SEMA4G: variants seen among roughly 807,000 people sequenced by gnomAD.
SEMA4G encodes semaphorin 4G, also known as semaphorin-4G.
SEMA4G carries 59 observed loss-of-function variants against 81.2 expected under a neutral mutation model. The ratio of observed to expected loss-of-function variants is 0.73; its 90% CI spans 0.59 to 0.90. The LOEUF (loss-of-function observed/expected upper bound fraction) is 0.90, where lower values mean the gene tolerates loss of function less well. Among genes scored for constraint, SEMA4G ranks in the 40% least tolerant of loss-of-function variants. The pLI is 0.00. For synonymous variants in SEMA4G, 404 were observed against 433.9 expected (o/e 0.93, Z 0.86); for missense variants, 952 against 1,102.3 (o/e 0.86, Z 1.93).
At chr10:100,970,905 A>C (rs1156891207), upstream of SEMA4G, among the ~76,000 whole-genome samples, 1 of 152,222 alleles carries the variant, frequency 6.6e-6, no homozygotes. Context: ...CCTTGACACA[A>C]ACCCACATGT....
At chr10:100,979,200 G>A (rs1413942825) in exon 8 of SEMA4G, 4 of 1,614,146 alleles carry the variant, frequency 2.5e-6, no homozygotes, top group Middle Eastern at 1.6e-4. Context: ...CACTGCGTGG[G>A]GTCTGCAGCC....
chr10:100,983,287 C>T lies in SEMA4G; in HGVS notation c.1691-18C>T, dbSNP rs772048733. On this transcript the variant is annotated intron_variant, in intron 13 of 13. Coordinates refer to ENST00000370250, the Ensembl canonical transcript of SEMA4G. The stretch of plus-strand genomic sequence containing the variant: ...TCCTGGGACGGGCTGGTACTGACCT[C>T]TCCCCCAAACCCCACAGGGCCACCA... The T allele has an allele frequency of 1.3e-6, 2 of 1,509,846 alleles. No individual in the cohort carries two copies. Among genetic ancestry groups the T allele is most frequent in the African/African-American group, 1.4e-5 (1 of 72,752 alleles). 93.5% of individuals were successfully genotyped at this position (1,509,846 alleles called of 1,614,324 possible).
intron 6 of SEMA4G, 32 bp from the exon 8 acceptor site, chr10:100,978,817 C>T (rs1176270767): frequency 1.2e-6 from 2 of 1,607,096 alleles, no homozygotes; most frequent in Non-Finnish European, 1.7e-6. Context: ...CCCAGCCTGT[C>T]TCAAAAGCCT....
intron 9 of SEMA4G, 58 bp from the exon 11 acceptor site, chr10:100,980,064 G>A: frequency 2.5e-6 from 4 of 1,613,036 alleles, no homozygotes; most frequent in Non-Finnish European, 3.4e-6. Flanking sequence ...CTGGCCTTGT[G>A]GAGAGGGCAG....
Position 100,978,304 on chromosome 10 carries a change from G to A in SEMA4G, c.445G>A (p.Ala149Thr), listed in dbSNP as rs770161568. The A allele has an allele frequency of 3.7e-6, 6 of 1,612,696 alleles. No individual in the cohort carries two copies. The African/African-American group carries it at 8.0e-5, about 22-fold the overall frequency. The change falls in exon 5 of 14, where the codon GCC becomes ACC. Residue 149 changes from alanine to threonine, a missense_variant. This residue lies in a region of SEMA4G where 436 missense variants were observed against 488.2 expected (regional missense o/e 0.89). Transcript: ENST00000370250. ...GTTCCTTGTTCCCTAGGATGCTGAGGCCTTCACCTTGCCAACCAGCTTCGA... is the reference window on the plus strand; with the variant it reads ...GTTCCTTGTTCCCTAGGATGCTGAGACCTTCACCTTGCCAACCAGCTTCGA...
At chr10:100,978,262 G>T in intron 4 of SEMA4G, 33 bp from the exon 6 acceptor site, 1 of 1,561,312 alleles carries the variant, frequency 6.4e-7, no homozygotes, top group South Asian at 1.1e-5. Context: ...GCCTGTCTTC[G>T]GAACCACTTA....
At chr10:100,971,091 C>T (rs568002545), upstream of SEMA4G, among the ~76,000 whole-genome samples, 3 of 150,162 alleles carry the variant, frequency 2.0e-5, no homozygotes, top group East Asian at 2.0e-4. Flanking sequence ...TGTGAATCCA[C>T]GTGTTCACAG....
upstream of SEMA4G, chr10:100,969,653 T>A: frequency 3.3e-6 from 1 of 304,244 alleles, no homozygotes; most frequent in South Asian, 2.4e-5. Flanking sequence ...GGGCCGGGGG[T>A]CGGGCAAGGC....
chr10:100,973,598 A>T lies in SEMA4G; in HGVS notation c.325A>T (p.Lys109Ter), dbSNP rs1221941297. ...GCAAAGCAAATGTCATCAAAAAGGG[A>T]AAAACAACCAGGTATGTGGTCTGCC... Residue 109 changes from lysine to a stop codon, truncating the protein, a stop_gained, in exon 3 of 14, where the codon AAA becomes TAA. Coordinates refer to ENST00000370250, the Ensembl canonical transcript of SEMA4G. LOFTEE classifies it high-confidence loss of function. This position sits in a 1 kb window ranked among gnomAD's most constrained non-coding sequence, Gnocchi z 5.5. The T allele has an allele frequency of 5.0e-6, 8 of 1,614,106 alleles. No individual in the cohort carries two copies. The highest frequency in any genetic ancestry group is 6.8e-6 in the Non-Finnish European group (8 of 1,179,988).
At chr10:100,970,086 A>G (rs1348998112), upstream of SEMA4G, among the ~76,000 whole-genome samples, 1 of 152,054 alleles carries the variant, frequency 6.6e-6, no homozygotes, top group Non-Finnish European at 1.5e-5. Flanking sequence ...GAAGGTCGAG[A>G]GCCTGCTGAT....
At chr10:100,974,145 T>G (rs1052580899) in intron 3 of SEMA4G, among the ~76,000 whole-genome samples, 1 of 151,908 alleles carries the variant, frequency 6.6e-6, no homozygotes, top group African/African-American at 2.4e-5. Flanking sequence ...CATCTTCATC[T>G]CCTCTGGGAT....
At chr10:100,976,506 T>C (rs1328711483) in intron 3 of SEMA4G, among the ~76,000 whole-genome samples, 4 of 152,086 alleles carry the variant, frequency 2.6e-5, no homozygotes, top group Non-Finnish European at 5.9e-5. Flanking sequence ...TGCCACCACA[T>C]AGAGATGAGG....
rs1057504766 is a variant in SEMA4G, at chr10:100,978,015, G to A, written c.436-280G>A. ...ACAAAGGGCCTTGATCCCCTGGACA[G>A]CATGTGTTCCACAGGATGGGCTAGG... On this transcript the variant is annotated intron_variant, in intron 4 of 13. Coordinates refer to ENST00000370250, the Ensembl canonical transcript of SEMA4G. 3 of 569,948 alleles carry A rather than the reference G, an allele frequency of 5.3e-6. No individual in the cohort carries two copies. The African/African-American group carries it at 5.6e-5, about 11-fold the overall frequency. The allele number at this position is 569,948 out of a possible 1,614,324, so 35.3% of individuals were successfully genotyped here.
upstream of SEMA4G, chr10:100,969,958 G>A: frequency 2.3e-6 from 1 of 439,242 alleles, no homozygotes; most frequent in Non-Finnish European, 4.7e-6. Context: ...ACCGCGGACT[G>A]TCCAGGATGT....
At chr10:100,974,877 C>A (rs1472766517) in intron 3 of SEMA4G, 1 of 415,272 alleles carries the variant, frequency 2.4e-6, no homozygotes, top group Non-Finnish European at 4.7e-6. Context: ...TTTGGGAGGC[C>A]AAGGCAGGAG....
intron 5 of SEMA4G, 64 bp from the exon 7 acceptor site, chr10:100,978,463 T>C: frequency 5.6e-6 from 9 of 1,594,486 alleles, no homozygotes; most frequent in Admixed American, 1.7e-5. Flanking sequence ...CCTGCCACCA[T>C]GTATATGTCA....
chr10:100,983,479 C>T, exon 14 of SEMA4G: 1 of 1,614,180 alleles, frequency 6.2e-7, no homozygotes. Flanking sequence ...GTTACAGATG[C>T]ACAGCCTGAG....
chr10:100,971,342 A>G (rs1309866187), upstream of SEMA4G, among the ~76,000 whole-genome samples: 1 of 152,196 alleles, frequency 6.6e-6, no homozygotes, highest in Admixed American at 6.5e-5. Flanking sequence ...GGGGTGGGGC[A>G]TGGCCGGCTT....
At position 100,979,266 on chromosome 10, in the gene SEMA4G, A is replaced by G. The variant is rs146235728; in HGVS notation, c.978A>G (p.Thr326=). The change falls in exon 8 of 14, where the codon ACA becomes ACG. Residue 326 remains threonine, a synonymous_variant. Coordinates refer to ENST00000370250, the Ensembl canonical transcript of SEMA4G. The stretch of plus-strand genomic sequence containing the variant: ...TCTATGCAGCCTTCACGCTGAGCAC[A>G]CAGTGGTCAGTGCAGGGACAATCGG... 187 of 1,614,194 alleles carry G rather than the reference A, an allele frequency of 1.2e-4. 1 individual carries two copies. In the African/African-American group the frequency reaches 2.2e-3, roughly 19 times the overall value.
Sources: gnomAD v4.1 joint callset for allele counts (sites outside exome capture counted in the v4.1 genomes callset) on GRCh38, gnomAD v4.1.1 for gene constraint, gnomAD v4.1.1 regional missense constraint, Gnocchi (gnomAD v3.1) non-coding constraint, MANE v1.5 for transcripts, NCBI Gene and HGNC (gene_info 2026-07-23, HGNC 2026-07-21) for gene names.